The following KCNN2 variants were observed in gnomAD, a reference collection of about 807,000 sequenced individuals.
The protein encoded by KCNN2 is small conductance calcium-activated potassium channel protein 2.
Under a neutral mutation model 55.5 loss-of-function variants are expected in KCNN2, and 24 were observed. That is an observed-to-expected ratio of 0.43 (90% CI 0.31 to 0.61). The LOEUF is 0.61. KCNN2 is among the 20% of genes least tolerant of loss of function. The probability of loss-of-function intolerance (pLI) is 0.08; values close to 1 mark genes in which losing one functional copy is unlikely to be tolerated. For synonymous variants in KCNN2, 431 were observed against 336.1 expected (o/e 1.28, Z -3.09); for missense variants, 754 against 853.6 (o/e 0.88, Z 1.45).
At chr5:114,162,186 G>T (rs183817664) in intron 1 of KCNN2, among the ~76,000 whole-genome samples, 50 of 152,208 alleles carry the variant, frequency 3.3e-4, no homozygotes, top group African/African-American at 1.1e-3. Context: ...TTTTGGTGTG[G>T]ATGTCCTTTC....
chr5:114,436,588 T>G lies in KCNN2; in HGVS notation c.1638-26461T>G, dbSNP rs1760012531. On this transcript the variant is annotated intron_variant, in intron 3 of 7. Transcript: ENST00000673685. ...ACCTAGGCATACATACTTGGACGGT[T>G]GTTTGGTTTTTTCCTCACGATACTT... Among the ~76,000 whole-genome samples the G allele has an allele frequency of 2.0e-5, 3 of 152,328 alleles. No individual in the cohort carries two copies. The South Asian group carries it at 6.2e-4, about 32-fold the overall frequency.
intron 1 of KCNN2, among the ~76,000 whole-genome samples, chr5:114,205,264 G>C (rs1349902173): frequency 6.6e-6 from 1 of 152,086 alleles, no homozygotes; most frequent in African/African-American, 2.4e-5. Context: ...TGAATAGTCT[G>C]GTAAAATCAC....
intron 1 of KCNN2, among the ~76,000 whole-genome samples, chr5:114,190,041 A>G (rs1753419722): frequency 6.6e-6 from 1 of 152,174 alleles, no homozygotes; most frequent in African/African-American, 2.4e-5. Context: ...ATTCTTTAAA[A>G]CAAGATGAAA....
intron 1 of KCNN2, among the ~76,000 whole-genome samples, chr5:114,214,701 A>G (rs1753966736): frequency 6.6e-6 from 1 of 152,124 alleles, no homozygotes; most frequent in Admixed American, 6.6e-5. Flanking sequence ...AAAGAATGAA[A>G]TAATGAAAAT....
At chr5:114,419,864 G>A (rs956720522) in intron 3 of KCNN2, among the ~76,000 whole-genome samples, 2 of 152,210 alleles carry the variant, frequency 1.3e-5, no homozygotes, top group East Asian at 1.9e-4. Flanking sequence ...CAGATGTGGT[G>A]GCATGTGCCT....
At position 114,363,111 on chromosome 5, in the gene KCNN2, G is replaced by C. The variant is rs764446070; in HGVS notation, c.972G>C (p.Lys324Asn). 6.2e-7 allele frequency: 1 copy of C among 1,613,224 alleles called. No individual in the cohort carries two copies. The highest frequency in any genetic ancestry group is 1.3e-5 in the African/African-American group (1 of 74,932). ...GSSSGTKSSK[K>N]KNQNIGYKLG... is the part of the protein sequence containing the mutation. ...GCAGTGGCACCAAGTCCAGCAAAAA[G>C]AAAAACCAGAACATCGGCTACAAGC... The change falls in exon 1 of 8, where the codon AAG (lysine) becomes AAC (asparagine). Residue 324 changes from lysine to asparagine, a missense_variant. Lys to Asn is a moderately conservative substitution (Grantham distance 94). Around this residue, in one of 4 missense-constraint regions of KCNN2, gnomAD observed 123 missense variants for 204.9 expected, o/e 0.60. Transcript: ENST00000673685.
intron 3 of KCNN2, among the ~76,000 whole-genome samples, chr5:114,425,739 T>C (rs1208471774): frequency 1.3e-5 from 2 of 152,144 alleles, no homozygotes; most frequent in Admixed American, 6.5e-5. Context: ...TCAGCTGCCA[T>C]TGTAGTCCAA....
At chr5:114,269,832 A>T (rs2150007642) in intron 2 of KCNN2, among the ~76,000 whole-genome samples, 1 of 152,266 alleles carries the variant, frequency 6.6e-6, no homozygotes, top group East Asian at 1.9e-4. Flanking sequence ...TAAATATTTG[A>T]TCAGTTTGGA....
intron 1 of KCNN2, among the ~76,000 whole-genome samples, chr5:114,126,599 G>T (rs904714677): frequency 3.3e-5 from 5 of 152,126 alleles, no homozygotes; most frequent in African/African-American, 1.2e-4. Context: ...TGAATTATGG[G>T]TGGGGACACA....
intron 1 of KCNN2, among the ~76,000 whole-genome samples, chr5:114,134,485 T>TTATG (rs1333638290): frequency 6.7e-6 from 1 of 149,390 alleles, no homozygotes; most frequent in East Asian, 2.0e-4. Flanking sequence ...ATTTATTTAT[T>TTATG]TATTTATTTA....
At chr5:114,120,621 G>T (rs559116905) in intron 1 of KCNN2, among the ~76,000 whole-genome samples, 15 of 152,266 alleles carry the variant, frequency 9.9e-5, no homozygotes, top group African/African-American at 3.6e-4. Flanking sequence ...TGATGCAAAG[G>T]GGGAGGCCAA....
At position 114,244,597 on chromosome 5, in the gene KCNN2, C is replaced by T. The variant is rs186819396; in HGVS notation, c.-185+23032C>T. Among the ~76,000 whole-genome samples the T allele has an allele frequency of 4.3e-3, 501 of 115,292 alleles. 4 individuals carry two copies. Among genetic ancestry groups the T allele is most frequent in the African/African-American group, 0.016 (465 of 29,884 alleles). 75.6% of individuals were successfully genotyped at this position (115,292 alleles called of 152,430 possible). On this transcript the variant is annotated intron_variant, in intron 2 of 10. Coordinates refer to the KCNN2 transcript ENST00000512097. ...GGGCAATAAGAGCAAAACTCTGGGG[C>T]GGGCATGGGGGGTTATTGGGGGGAG... is the stretch of plus-strand genomic sequence containing the variant.
chr5:114,471,162 A>C (rs997243300), intron 4 of KCNN2, among the ~76,000 whole-genome samples: 2 of 152,196 alleles, frequency 1.3e-5, no homozygotes, highest in Non-Finnish European at 2.9e-5. Flanking sequence ...ACAAATAAGA[A>C]TATACAGTCA....
At chr5:114,255,975 A>G (rs1754975490) in intron 2 of KCNN2, among the ~76,000 whole-genome samples, 1 of 151,988 alleles carries the variant, frequency 6.6e-6, no homozygotes, top group East Asian at 1.9e-4. Flanking sequence ...ATTGTACCCT[A>G]ATTTCTCATC....
chr5:114,266,859 T>C (rs1467863316), intron 2 of KCNN2, among the ~76,000 whole-genome samples: 1 of 152,172 alleles, frequency 6.6e-6, no homozygotes, highest in African/African-American at 2.4e-5. Flanking sequence ...AGTTTTGCAG[T>C]TTTTCCTAAG....
chr5:114,135,314 C>T (rs1211878285), intron 1 of KCNN2, among the ~76,000 whole-genome samples: 1 of 152,056 alleles, frequency 6.6e-6, no homozygotes, highest in East Asian at 1.9e-4. Context: ...TACTCCAACC[C>T]GATAGTAAAT....
chr5:114,143,379 C>A (rs1752328480), intron 1 of KCNN2, among the ~76,000 whole-genome samples: 1 of 152,078 alleles, frequency 6.6e-6, no homozygotes, highest in South Asian at 2.1e-4. Context: ...ATAGTTGCAG[C>A]AAAAGCTGGT....
At chr5:114,321,631 G>A (rs1756614750) in intron 2 of KCNN2, among the ~76,000 whole-genome samples, 1 of 149,238 alleles carries the variant, frequency 6.7e-6, no homozygotes, top group African/African-American at 2.5e-5. Flanking sequence ...CAGTTCTCAG[G>A]TATAATGTTC....
intron 2 of KCNN2, among the ~76,000 whole-genome samples, chr5:114,280,350 G>A (rs1007235192): frequency 1.3e-5 from 2 of 152,154 alleles, no homozygotes; most frequent in Admixed American, 6.5e-5. Flanking sequence ...ATTGCATTTG[G>A]TGTTTTAGTC....
Sources: allele counts gnomAD v4.1 joint callset (sites outside exome capture counted in the v4.1 genomes callset), GRCh38; gene constraint gnomAD v4.1.1; regional missense constraint gnomAD v4.1.1; transcripts MANE v1.5; gene names NCBI Gene and HGNC (gene_info 2026-07-23, HGNC 2026-07-21).